GBE1: variants seen among roughly 807,000 people sequenced by gnomAD.
The protein encoded by GBE1 is 1,4-alpha-glucan-branching enzyme.
A neutral mutation model predicts 88.8 loss-of-function variants in GBE1; 70 were observed. The observed-to-expected ratio is 0.79, with a 90% confidence interval of 0.65 to 0.96. The LOEUF is 0.96. Among genes scored for constraint, GBE1 ranks in the 40% least tolerant of loss-of-function variants. The pLI is 0.00. For synonymous variants in GBE1, 284 were observed against 300.1 expected, an observed-to-expected ratio of 0.95 and a Z score of 0.56; for missense variants, 872 against 871.0, an observed-to-expected ratio of 1.00 and a Z score of -0.01.
chr3:81,498,081 T>C (rs77343111), intron 15 of GBE1, among the ~76,000 whole-genome samples: 2 of 152,176 alleles, frequency 1.3e-5, no homozygotes, highest in Non-Finnish European at 2.9e-5. Context: ...CTAATTCTCA[T>C]AGGACTTTCC....
At chr3:81,657,537 T>C (rs1704959422) in intron 3 of GBE1, among the ~76,000 whole-genome samples, 1 of 152,148 alleles carries the variant, frequency 6.6e-6, no homozygotes, top group South Asian at 2.1e-4. Context: ...TCACTAAAAT[T>C]AAACAGACCT....
intron 14 of GBE1, among the ~76,000 whole-genome samples, chr3:81,513,698 G>A (rs987477474): frequency 4.6e-5 from 7 of 151,688 alleles, no homozygotes; most frequent in Non-Finnish European, 8.9e-5. Flanking sequence ...TTTAGAAGAT[G>A]ATGACAGTAA....
Position 81,631,158 on chromosome 3 carries a change from T to G in GBE1, c.992+11623A>C, listed in dbSNP as rs183429074. On this transcript the variant is annotated intron_variant, in intron 7 of 15. Transcript: ENST00000429644. ...GGTCAAGGCTGTCACGAGCCATGAC[T>G]GTGCCACTGCACTCCAGCCTGGGCA... Among the ~76,000 whole-genome samples the G allele has an allele frequency of 3.1e-3, 467 of 152,290 alleles. 3 individuals are homozygous for G. Among genetic ancestry groups the G allele is most frequent in the Non-Finnish European group, 5.3e-3 (359 of 68,014 alleles).
intron 12 of GBE1, among the ~76,000 whole-genome samples, chr3:81,545,974 T>A (rs964079917): frequency 2.6e-5 from 4 of 152,172 alleles, no homozygotes; most frequent in Non-Finnish European, 5.9e-5. Context: ...TTATTTTGAA[T>A]GGCTCCAAAG....
chr3:81,529,619 TTAAG>T (rs1702988488), intron 14 of GBE1, among the ~76,000 whole-genome samples: 1 of 152,106 alleles, frequency 6.6e-6, no homozygotes, highest in African/African-American at 2.4e-5. Flanking sequence ...CTTCAGCACT[TTAAG>T]TACGCCATGC....
At chr3:81,676,909 A>G (rs959804893) in intron 2 of GBE1, among the ~76,000 whole-genome samples, 9 of 152,204 alleles carry the variant, frequency 5.9e-5, no homozygotes, top group African/African-American at 2.2e-4. Flanking sequence ...AACTGCAAAC[A>G]CACATTCGGC....
chr3:81,490,381 T>C lies in GBE1; in HGVS notation c.*26A>G, dbSNP rs771434046. 2.5e-6 allele frequency: 4 copies of C among 1,591,144 alleles called. No homozygotes were observed. The highest frequency in any genetic ancestry group is 3.5e-6 in the Non-Finnish European group (4 of 1,159,320). On this transcript the variant is annotated 3_prime_UTR_variant, in exon 16 of 16. Transcript: ENST00000429644. ...CAAGAAAACAAAACACAAATCTGCA[T>C]CTGGTGGAGCTGAAATCAGGCCTCT...
At chr3:81,736,120 C>G (rs1706254537) in intron 1 of GBE1, among the ~76,000 whole-genome samples, 1 of 152,104 alleles carries the variant, frequency 6.6e-6, no homozygotes, top group Non-Finnish European at 1.5e-5. Context: ...TAAGATTTCC[C>G]AGCTGAGAGA....
In GBE1 at chr3:81,740,074, A is replaced by T. The variant is rs75333159; in HGVS notation, c.143+21301T>A. Among the ~76,000 whole-genome samples, 769 of 152,184 alleles carry T rather than the reference A, an allele frequency of 5.1e-3. 2 individuals are homozygous for T. The highest frequency in any genetic ancestry group is 0.018 in the African/African-American group (738 of 41,544). On this transcript the variant is annotated intron_variant, in intron 1 of 15. Transcript: ENST00000429644. Reference sequence around the variant, plus strand: ...ACCCCATCTCTACAAAAAATTTAAAAATCAGCCAGGAGCAGTGGCATATGC... The same window carrying T: ...ACCCCATCTCTACAAAAAATTTAAATATCAGCCAGGAGCAGTGGCATATGC...
intron 7 of GBE1, among the ~76,000 whole-genome samples, chr3:81,623,590 G>A (rs1395434677): frequency 6.6e-6 from 1 of 152,178 alleles, no homozygotes; most frequent in Non-Finnish European, 1.5e-5. Context: ...TGGGTATCCA[G>A]TAGGTACTCA....
At chr3:81,554,761 G>A (rs188589136) in intron 12 of GBE1, among the ~76,000 whole-genome samples, 1 of 152,190 alleles carries the variant, frequency 6.6e-6, no homozygotes, top group Non-Finnish European at 1.5e-5. Flanking sequence ...CTGGTGGAGT[G>A]TTTTTGTAAG....
At chr3:81,545,062 G>A (rs759918449) in intron 12 of GBE1, among the ~76,000 whole-genome samples, 1 of 152,000 alleles carries the variant, frequency 6.6e-6, no homozygotes, top group Non-Finnish European at 1.5e-5. Context: ...AAACGTTAGC[G>A]CCTACTCCTC....
chr3:81,656,419 T>C (rs1316906557), intron 3 of GBE1, among the ~76,000 whole-genome samples: 1 of 152,162 alleles, frequency 6.6e-6, no homozygotes, highest in Non-Finnish European at 1.5e-5. Flanking sequence ...CATTCTCCCC[T>C]AGAACCTCCA....
chr3:81,750,595 A>ATATACG, intron 1 of GBE1, among the ~76,000 whole-genome samples: 1 of 40,700 alleles, frequency 2.5e-5, no homozygotes, highest in Non-Finnish European at 4.7e-5. Context: ...ATACGTATAT[A>ATATACG]TATATGTGTA....
At chr3:81,691,159 A>C (rs2107144219) in intron 2 of GBE1, among the ~76,000 whole-genome samples, 1 of 152,320 alleles carries the variant, frequency 6.6e-6, no homozygotes, top group East Asian at 1.9e-4. Flanking sequence ...CTTCTTGTTC[A>C]GCCTCTGAAA....
In GBE1 at chr3:81,761,415, C is replaced by G; in HGVS notation, c.103G>C (p.Asp35His). Residue 35 changes from aspartate to histidine, a missense_variant, in exon 1 of 16, where the codon GAC (aspartate) becomes CAC (histidine). Transcript: ENST00000429644. ...VPELARLLEI[D>H]PYLKPYAVDF... ...ACGGCGTAGGGCTTCAAGTACGGGT[C>G]GATCTCCAGGAGTCTGGCCAGTTCG... 1 of 1,613,366 alleles carries G rather than the reference C, an allele frequency of 6.2e-7. No homozygotes were observed. Among genetic ancestry groups the G allele is most frequent in the Non-Finnish European group, 8.5e-7 (1 of 1,179,514 alleles).
In GBE1 at chr3:81,631,192, A is replaced by G. The variant is rs533919988; in HGVS notation, c.992+11589T>C. Among the ~76,000 whole-genome samples the G allele has an allele frequency of 9.2e-4, 140 of 152,272 alleles. 1 individual carries two copies. The highest frequency in any genetic ancestry group is 1.6e-3 in the Non-Finnish European group (108 of 68,002). ...GCACTCCAGCCTGGGCAACAGAGGG[A>G]GACTCTCTCTTTAAAAAGAAAAAAA... On this transcript the variant is annotated intron_variant, in intron 7 of 15. Coordinates refer to ENST00000429644, the MANE Select transcript of GBE1 (RefSeq NM_000158.4).
intron 1 of GBE1, among the ~76,000 whole-genome samples, chr3:81,758,465 G>A (rs963094960): frequency 2.0e-5 from 3 of 152,186 alleles, no homozygotes; most frequent in Admixed American, 2.0e-4. Context: ...TTTGCACTGT[G>A]ACCACCTCTA....
intron 12 of GBE1, among the ~76,000 whole-genome samples, chr3:81,544,751 T>G (rs1007316113): frequency 2.6e-5 from 4 of 152,160 alleles, no homozygotes; most frequent in Non-Finnish European, 4.4e-5. Flanking sequence ...CTCCTTCTCC[T>G]GTAATTAATT....
Sources: gnomAD v4.1 joint callset for allele counts (sites outside exome capture counted in the v4.1 genomes callset) on GRCh38, gnomAD v4.1.1 for gene constraint, MANE v1.5 for transcripts, NCBI Gene and HGNC (gene_info 2026-07-23, HGNC 2026-07-21) for gene names.